The following VPS13D variants were observed in gnomAD, a reference collection of about 807,000 sequenced individuals.
The protein encoded by VPS13D is vacuolar protein sorting 13 homolog D.
VPS13D carries 187 observed loss-of-function variants against 461.9 expected under a neutral mutation model. The ratio of observed to expected loss-of-function variants is 0.40; its 90% CI spans 0.36 to 0.46. The LOEUF is 0.46. VPS13D is among the 20% of genes least tolerant of loss of function. The pLI is 0.60. For missense variants in VPS13D, 4,711 were observed against 5,364.9 expected (o/e 0.88, Z 3.81); for synonymous variants, 1,951 against 1,986.3 (o/e 0.98, Z 0.47).
chr1:12,446,892 G>A (rs1645199544), intron 65 of VPS13D, among the ~76,000 whole-genome samples: 1 of 152,168 alleles, frequency 6.6e-6, no homozygotes, highest in Non-Finnish European at 1.5e-5. Context: ...GTGGTGTGAT[G>A]TGATCCACAT....
rs1643747345 is a variant in VPS13D at position 12,349,389 on chromosome 1, T to G, written c.9431+15T>G. The G allele has an allele frequency of 6.2e-7, 1 of 1,609,352 alleles. No individual in the cohort carries two copies. Among genetic ancestry groups the G allele is most frequent in the East Asian group, 2.2e-5 (1 of 44,858 alleles). On this transcript the variant is annotated intron_variant, in intron 46 of 69. Transcript: ENST00000620676. ...CGATTTTTCAGGTATGTAGCACCAC[T>G]GCAGTGACATGTCACTTTTGCCTTT...
Position 12,509,504 on chromosome 1 carries a change from T to C in VPS13D, c.*480T>C, listed in dbSNP as rs7520534. 6.5e-6 allele frequency: 1 copy of C among 152,986 alleles called. No individual in the cohort carries two copies. 9.5% of individuals were successfully genotyped at this position (152,986 alleles called of 1,614,324 possible). A position where few individuals can be genotyped will look rare whatever the true frequency, so the allele number is the denominator to read the frequency against. The stretch of plus-strand genomic sequence containing the variant: ...AAAGGCATTCTTAAAAGTTAAAGAA[T>C]GTTACGTCTTAGTTTTGGAGACTAA... On this transcript the variant is annotated 3_prime_UTR_variant, in exon 70 of 70. Coordinates refer to ENST00000620676, the MANE Select transcript of VPS13D (RefSeq NM_015378.4).
intron 32 of VPS13D, among the ~76,000 whole-genome samples, chr1:12,320,223 C>A (rs1282644603): frequency 2.6e-5 from 4 of 152,108 alleles, no homozygotes; most frequent in African/African-American, 9.7e-5. Context: ...GTTGGAGTGG[C>A]CTTTGTAGCT....
At chr1:12,453,622 TC>T (rs1300777318) in intron 65 of VPS13D, among the ~76,000 whole-genome samples, 1 of 152,190 alleles carries the variant, frequency 6.6e-6, no homozygotes, top group Non-Finnish European at 1.5e-5. Context: ...TCTTATTGAT[TC>T]TTTCCAAAAC....
At chr1:12,430,249 T>TA (rs1644974866) in intron 65 of VPS13D, among the ~76,000 whole-genome samples, 1 of 152,204 alleles carries the variant, frequency 6.6e-6, no homozygotes, top group African/African-American at 2.4e-5. Flanking sequence ...GTCCTCCTGT[T>TA]ACTATTTGAT....
intron 67 of VPS13D, among the ~76,000 whole-genome samples, chr1:12,460,849 C>T (rs1031769633): frequency 1.3e-5 from 2 of 152,116 alleles, no homozygotes; most frequent in South Asian, 4.1e-4. Flanking sequence ...AGAATCCCCA[C>T]TGTTGTTGTT....
Position 12,507,224 on chromosome 1 carries a change from C to T in VPS13D, c.13035+131C>T. ...TGGGCCCTTCCCAGGAGTGCTGCCTCTCAGTCCTGAACATGGGAGGGGCCC... is the reference window on the plus strand; with the variant it reads ...TGGGCCCTTCCCAGGAGTGCTGCCTTTCAGTCCTGAACATGGGAGGGGCCC... On this transcript the variant is annotated intron_variant, in intron 69 of 69. Coordinates refer to ENST00000620676, the MANE Select transcript of VPS13D (RefSeq NM_015378.4). This position sits in a 1 kb window ranked among gnomAD's most constrained non-coding sequence, Gnocchi z 5.3. The T allele has an allele frequency of 6.6e-7, 1 of 1,521,664 alleles. No individual in the cohort carries two copies. Among genetic ancestry groups the T allele is most frequent in the Non-Finnish European group, 9.0e-7 (1 of 1,106,330 alleles). 94.3% of individuals were successfully genotyped at this position (1,521,664 alleles called of 1,614,324 possible).
intron 6 of VPS13D, among the ~76,000 whole-genome samples, chr1:12,250,215 T>C (rs1262550181): frequency 6.6e-6 from 1 of 152,180 alleles, no homozygotes; most frequent in East Asian, 1.9e-4. Flanking sequence ...AAAGTTTTTA[T>C]GCAGCTTAAT....
chr1:12,494,400 G>A lies in VPS13D; in HGVS notation c.12663-3100G>A, dbSNP rs896946556. 3.9e-5 allele frequency among the ~76,000 whole-genome samples: 6 copies of A among 152,298 alleles called. 1 individual carries two copies. In the South Asian group the frequency reaches 1.2e-3, roughly 32 times the overall value. ...ACTGAAACCTGGGTAAGGCTCTGAGGGAGTCCACTGAGTCAGGAAATAACT... is the reference window on the plus strand; with the variant it reads ...ACTGAAACCTGGGTAAGGCTCTGAGAGAGTCCACTGAGTCAGGAAATAACT... On this transcript the variant is annotated intron_variant, in intron 67 of 69. Coordinates refer to ENST00000620676, the MANE Select transcript of VPS13D (RefSeq NM_015378.4).
rs751623483 is a variant in VPS13D at position 12,277,267 on chromosome 1, C to A, written c.3679C>A (p.Gln1227Lys). ...LGCLQLMDLT[Q>K]DNVKNQYVVS... ...CTGTTTACAGCTTATGGATTTGACA[C>A]AAGATAACGTTAAAAACCAGTATGT... Residue 1227 changes from glutamine to lysine, a missense_variant, in exon 19 of 70, where the codon CAA (glutamine) becomes AAA (lysine). By Grantham distance (53) the Gln-to-Lys change is moderately conservative (BLOSUM62 1). Around this residue, in one of 3 missense-constraint regions of VPS13D, gnomAD observed 4,411 missense variants for 4,937.8 expected, o/e 0.89. Transcript: ENST00000620676. The A allele has an allele frequency of 1.2e-6, 2 of 1,614,166 alleles. No individual in the cohort carries two copies. The highest frequency in any genetic ancestry group is 2.2e-5 in the East Asian group (1 of 44,888).
At chr1:12,441,741 A>G (rs1446709716) in intron 65 of VPS13D, among the ~76,000 whole-genome samples, 2 of 152,194 alleles carry the variant, frequency 1.3e-5, no homozygotes, top group African/African-American at 2.4e-5. Flanking sequence ...ATCCAAATCA[A>G]TACCTTTCAT....
chr1:12,282,981 C>T lies in VPS13D; in HGVS notation c.4879C>T (p.Leu1627Phe), dbSNP rs778547290. 8.7e-6 allele frequency: 14 copies of T among 1,614,170 alleles called. No individual in the cohort carries two copies. In the Admixed American group the frequency reaches 1.7e-4, roughly 19 times the overall value. Residue 1627 changes from leucine to phenylalanine, a missense_variant, in exon 21 of 70, where the codon CTT becomes TTT. Around this residue, in one of 3 missense-constraint regions of VPS13D, gnomAD observed 4,411 missense variants for 4,937.8 expected, o/e 0.89. Coordinates refer to ENST00000620676, the MANE Select transcript of VPS13D (RefSeq NM_015378.4). ...QIQATFCISELQVQLSGDLTL... is the reference protein window; with the variant it reads ...QIQATFCISEFQVQLSGDLTL... Reference sequence around the variant, plus strand: ...TCAAGCCACCTTTTGTATATCAGAGCTTCAGGTTCAGCTAAGTGGAGATCT... The same window carrying T: ...TCAAGCCACCTTTTGTATATCAGAGTTTCAGGTTCAGCTAAGTGGAGATCT...
intron 5 of VPS13D, among the ~76,000 whole-genome samples, chr1:12,246,199 C>T (rs1028489734): frequency 1.3e-5 from 2 of 152,084 alleles, no homozygotes; most frequent in South Asian, 2.1e-4. Context: ...TAACTGTGTC[C>T]GCTGGCAGTG....
At chr1:12,252,205 T>G (rs1469824779) in intron 6 of VPS13D, among the ~76,000 whole-genome samples, 1 of 152,198 alleles carries the variant, frequency 6.6e-6, no homozygotes, top group African/African-American at 2.4e-5. Flanking sequence ...CACGCTTCTG[T>G]GTGGTTATGA....
chr1:12,280,658 T>A (rs1013976893), intron 20 of VPS13D, among the ~76,000 whole-genome samples: 1 of 152,104 alleles, frequency 6.6e-6, no homozygotes, highest in Non-Finnish European at 1.5e-5. Flanking sequence ...CTGGCTAATT[T>A]TTGTATTTTT....
intron 65 of VPS13D, among the ~76,000 whole-genome samples, chr1:12,429,364 C>G (rs577394015): frequency 6.6e-6 from 1 of 151,998 alleles, no homozygotes; most frequent in Non-Finnish European, 1.5e-5. Context: ...GTGATTTCAG[C>G]CCACTGCAAC....
chr1:12,507,221 C>T lies in VPS13D; in HGVS notation c.13035+128C>T. 6.6e-7 allele frequency: 1 copy of T among 1,521,350 alleles called. No individual in the cohort carries two copies. Among genetic ancestry groups the T allele is most frequent in the Non-Finnish European group, 9.0e-7 (1 of 1,105,964 alleles). 94.2% of individuals were successfully genotyped at this position (1,521,350 alleles called of 1,614,324 possible). A position where few individuals can be genotyped will look rare whatever the true frequency, so the allele number is the denominator to read the frequency against. ...GGCTGGGCCCTTCCCAGGAGTGCTG[C>T]CTCTCAGTCCTGAACATGGGAGGGG... On this transcript the variant is annotated intron_variant, in intron 69 of 69. Transcript: ENST00000620676. This position sits in a 1 kb window ranked among gnomAD's most constrained non-coding sequence, Gnocchi z 5.3.
intron 32 of VPS13D, among the ~76,000 whole-genome samples, chr1:12,320,781 G>A (rs1010638009): frequency 6.6e-6 from 1 of 152,204 alleles, no homozygotes; most frequent in African/African-American, 2.4e-5. Context: ...AAATGAAACT[G>A]TTCTGCTCTG....
At chr1:12,444,823 C>T (rs896479725) in intron 65 of VPS13D, among the ~76,000 whole-genome samples, 5 of 152,034 alleles carry the variant, frequency 3.3e-5, no homozygotes. Flanking sequence ...AATTGAATTC[C>T]TGACATTGTA....
Sources: allele counts gnomAD v4.1 joint callset (sites outside exome capture counted in the v4.1 genomes callset), GRCh38; gene constraint gnomAD v4.1.1; regional missense constraint gnomAD v4.1.1; non-coding constraint Gnocchi (gnomAD v3.1); transcripts MANE v1.5; gene names NCBI Gene and HGNC (gene_info 2026-07-23, HGNC 2026-07-21).